FGR: variants seen among roughly 807,000 people sequenced by gnomAD.
FGR encodes the protein FGR proto-oncogene, Src family tyrosine kinase.
In FGR, 26 loss-of-function variants were observed where a neutral mutation model predicts 63.2. The observed-to-expected ratio is 0.41, with a 90% CI of 0.30 to 0.57. The LOEUF is 0.57. Among genes scored for constraint, FGR ranks in the 20% least tolerant of loss-of-function variants. The probability of loss-of-function intolerance (pLI) is 0.27; values close to 1 mark genes in which losing one functional copy is unlikely to be tolerated. For synonymous variants in FGR, 286 were observed against 277.7 expected, an observed-to-expected ratio of 1.03 and a Z score of -0.30; for missense variants, 511 against 690.8, an observed-to-expected ratio of 0.74 and a Z score of 2.92.
chr1:27,624,454 G>A (rs1046714833), intron 2 of FGR, among the ~76,000 whole-genome samples: 1 of 152,048 alleles, frequency 6.6e-6, no homozygotes, highest in East Asian at 1.9e-4. Context: ...CTCAGGTTGG[G>A]TCCTATTGCT....
intron 1 of FGR, among the ~76,000 whole-genome samples, chr1:27,634,212 C>A (rs2090145810): frequency 6.6e-6 from 1 of 152,192 alleles, no homozygotes; most frequent in South Asian, 2.1e-4. Flanking sequence ...TTGGAGGCAG[C>A]CCCTGCGGGC....
chr1:27,623,158 G>A lies in FGR; in HGVS notation c.227-14C>T, dbSNP rs185823843. ...TCACCCCAATCCCTGCAGAGTCAGG[G>A]CTACTCAGCAGGGTAGGGCATGGGG... On this transcript the variant is annotated splice_polypyrimidine_tract_variant and intron_variant, in intron 3 of 12. Coordinates refer to ENST00000374005, the MANE Select transcript of FGR (RefSeq NM_005248.3). 1.6e-5 allele frequency: 25 copies of A among 1,594,002 alleles called. No homozygotes were observed. The highest frequency in any genetic ancestry group is 6.7e-5 in the East Asian group (3 of 44,782).
rs139532590 is a variant in FGR, at chr1:27,615,483, G to T, written c.969C>A (p.Ala323=). The part of the protein sequence containing the change: ...LRHDKLVQLY[A]VVSEEPIYIV... The stretch of plus-strand genomic sequence containing the variant: ...TGTAGATGGGCTCCTCCGACACCAC[G>T]GCGTACAGCTGCACCAGCTTGTCGT... Residue 323 remains alanine (A), a synonymous_variant, in exon 9 of 13, where the codon GCC becomes GCA. Transcript: ENST00000374005. The surrounding 1 kb of genome is among the most constrained non-coding windows in gnomAD (Gnocchi z 7.6). 103 of 1,612,080 alleles carry T rather than the reference G, an allele frequency of 6.4e-5. No individual in the cohort carries two copies. In the African/African-American group the frequency reaches 1.3e-3, roughly 20 times the overall value.
At chr1:27,613,191 C>A (rs371240674) in intron 12 of FGR, 28 bp downstream of exon 12, 1 of 1,611,132 alleles carries the variant, frequency 6.2e-7, no homozygotes, top group Non-Finnish European at 8.5e-7. Flanking sequence ...CCATCCCCCA[C>A]CCCAGCCCTA....
Position 27,626,237 on chromosome 1 carries a change from A to G in FGR, c.-76-1086T>C, listed in dbSNP as rs79478829. 6.6e-3 allele frequency: 2,643 copies of G among 398,640 alleles called. 56 individuals are homozygous for G. Among genetic ancestry groups the G allele is most frequent in the African/African-American group, 0.048 (2,324 of 48,730 alleles). 24.7% of individuals were successfully genotyped at this position (398,640 alleles called of 1,614,324 possible). ...CAGAAACATTGCCATTGCAACACTC[A>G]GAGAGGAACCGACTGGTGAGAGGGC... On this transcript the variant is annotated intron_variant, in intron 1 of 12. Coordinates refer to ENST00000374005, the MANE Select transcript of FGR (RefSeq NM_005248.3).
chr1:27,625,819 G>A (rs2148530192), intron 1 of FGR, among the ~76,000 whole-genome samples: 1 of 152,222 alleles, frequency 6.6e-6, no homozygotes, highest in South Asian at 2.1e-4. Flanking sequence ...GGCGCCTGTA[G>A]TCCCAGCTAC....
chr1:27,634,980 C>A (rs1415595722), intron 1 of FGR, 85 bp downstream of exon 1: 6 of 152,532 alleles, frequency 3.9e-5, no homozygotes, highest in Non-Finnish European at 7.3e-5. Context: ...CTTCTCTTCC[C>A]GTGTACCCCC....
Position 27,614,527 on chromosome 1 carries a change from C to T in FGR, c.1152G>A (p.Arg384=). 1 of 1,614,096 alleles carries T rather than the reference C, an allele frequency of 6.2e-7. No individual in the cohort carries two copies. The highest frequency in any genetic ancestry group is 8.5e-7 in the Non-Finnish European group (1 of 1,179,982). Residue 384 remains arginine (R), a synonymous_variant, in exon 11 of 13, where the codon AGG becomes AGA. Coordinates refer to ENST00000374005, the MANE Select transcript of FGR (RefSeq NM_005248.3). ...GCTCCCCAACCAGGATGTTGGCTGC[C>T]CTCAGGTCGCGGTGAATGTAGTTCA... ...ERMNYIHRDL[R]AANILVGERL...
intron 1 of FGR, among the ~76,000 whole-genome samples, chr1:27,634,196 G>C (rs902481062): frequency 6.6e-6 from 1 of 152,098 alleles, no homozygotes; most frequent in Non-Finnish European, 1.5e-5. Context: ...CCGCCCTCTC[G>C]TTGCCTTGGA....
At chr1:27,634,715 C>G (rs976243901) in intron 1 of FGR, among the ~76,000 whole-genome samples, 28 of 152,026 alleles carry the variant, frequency 1.8e-4, no homozygotes, top group Non-Finnish European at 1.2e-4. Context: ...TCCCCCAGAC[C>G]GTCCTGGGGA....
At chr1:27,623,166 G>T in intron 3 of FGR, 22 bp from the exon 4 acceptor site, 3 of 1,576,914 alleles carry the variant, frequency 1.9e-6, no homozygotes, top group Non-Finnish European at 2.6e-6. Context: ...GGGCTACTCA[G>T]CAGGGTAGGG....
chr1:27,623,013 T>C lies in FGR; in HGVS notation c.329+29A>G, dbSNP rs1205545434. ...TGTGTCCTGCTCCCAGCCCAGGCAA[T>C]GTTCTGACTAGGTGGCCTGGTCACT... On this transcript the variant is annotated intron_variant, in intron 4 of 12. Transcript: ENST00000374005. The C allele has an allele frequency of 4.0e-6, 6 of 1,498,514 alleles. No individual in the cohort carries two copies. The Admixed American group carries it at 1.0e-4, about 25-fold the overall frequency. 92.8% of individuals were successfully genotyped at this position (1,498,514 alleles called of 1,614,324 possible).
chr1:27,612,980 C>A lies in FGR; in HGVS notation c.1524G>T (p.Leu508=). The A allele has an allele frequency of 1.2e-6, 2 of 1,614,192 alleles. No homozygotes were observed. Among genetic ancestry groups the A allele is most frequent in the Non-Finnish European group, 1.7e-6 (2 of 1,180,018 alleles). The change falls in exon 13 of 13, where the codon CTG becomes CTT. Residue 508 remains leucine (L), a synonymous_variant. Transcript: ENST00000374005. ...DPEERPTFEY[L]QSFLEDYFTS... ...TGAAGTAGTCCTCCAGGAAGGACTGCAGGTACTCGAAGGTAGGCCTCTCCT... is the reference window on the plus strand; with the variant it reads ...TGAAGTAGTCCTCCAGGAAGGACTGAAGGTACTCGAAGGTAGGCCTCTCCT...
intron 1 of FGR, chr1:27,626,438 C>T (rs2090023078): frequency 2.7e-6 from 1 of 369,460 alleles, no homozygotes. Flanking sequence ...GGGTCCTATC[C>T]TTTCTACCTA....
chr1:27,616,145 A>C lies in FGR; in HGVS notation c.683-301T>G, dbSNP rs59154549. Reference sequence around the variant, plus strand: ...TTGAAGGATAAGGTGGGATTCTCACAGGTGGAAATGGGGTTGGGATTCCAG... The same window carrying C: ...TTGAAGGATAAGGTGGGATTCTCACCGGTGGAAATGGGGTTGGGATTCCAG... On this transcript the variant is annotated intron_variant, in intron 7 of 12. Transcript: ENST00000374005. The surrounding 1 kb of genome is among the most constrained non-coding windows in gnomAD (Gnocchi z 4.3). 0.079 allele frequency among the ~76,000 whole-genome samples: 12,001 copies of C among 152,182 alleles called. 1,603 individuals carry two copies. The highest frequency in any genetic ancestry group is 0.27 in the African/African-American group (11,261 of 41,488).
At chr1:27,629,332 AAG>A (rs1279143277) in intron 1 of FGR, among the ~76,000 whole-genome samples, 2 of 152,216 alleles carry the variant, frequency 1.3e-5, no homozygotes, top group Non-Finnish European at 2.9e-5. Context: ...GCTGGGGTGG[AAG>A]AGACACACAG....
At position 27,616,166 on chromosome 1, in the gene FGR, T is replaced by G. The variant is rs1292420401; in HGVS notation, c.683-322A>C. Among the ~76,000 whole-genome samples the G allele has an allele frequency of 6.6e-6, 1 of 152,096 alleles. No individual in the cohort carries two copies. The highest frequency in any genetic ancestry group is 1.5e-5 in the Non-Finnish European group (1 of 68,000). On this transcript the variant is annotated intron_variant, in intron 7 of 12. Transcript: ENST00000374005. This position sits in a 1 kb window ranked among gnomAD's most constrained non-coding sequence, Gnocchi z 4.3. ...TCACAGGTGGAAATGGGGTTGGGAT[T>G]CCAGGCAAAGGTGTGGACATGAGGC...
At chr1:27,619,095 C>T (rs937631963) in intron 5 of FGR, among the ~76,000 whole-genome samples, 6 of 152,378 alleles carry the variant, frequency 3.9e-5, no homozygotes, top group East Asian at 3.9e-4. Context: ...CCTTCTCCTT[C>T]GAGGGCAGCT....
At chr1:27,626,737 G>T (rs911969640) in intron 1 of FGR, among the ~76,000 whole-genome samples, 1 of 152,174 alleles carries the variant, frequency 6.6e-6, no homozygotes, top group Non-Finnish European at 1.5e-5. Context: ...TGAAACCACT[G>T]TGTCTAAAAC....
Sources: gnomAD v4.1 joint callset for allele counts (sites outside exome capture counted in the v4.1 genomes callset) on GRCh38, gnomAD v4.1.1 for gene constraint, Gnocchi (gnomAD v3.1) non-coding constraint, MANE v1.5 for transcripts, NCBI Gene and HGNC (gene_info 2026-07-23, HGNC 2026-07-21) for gene names.